Variants in ZBBX observed in about 807,000 individuals in gnomAD.
The protein encoded by ZBBX is zinc finger B-box domain-containing protein 1.
ZBBX carries 101 observed loss-of-function variants against 108.5 expected under a neutral mutation model. The observed-to-expected ratio is 0.93, with a 90% CI of 0.79 to 1.10. ZBBX has a LOEUF of 1.10. ZBBX is among the 50% of genes least tolerant of loss of function. The pLI is 0.00. For synonymous variants in ZBBX, 356 were observed against 323.4 expected (o/e 1.10, Z -1.08); for missense variants, 1,009 against 941.4 (o/e 1.07, Z -0.94).
intron 20 of ZBBX, among the ~76,000 whole-genome samples, chr3:167,245,355 T>C (rs1721393863): frequency 6.6e-6 from 1 of 151,482 alleles, no homozygotes. Flanking sequence ...AAAGCCCTAT[T>C]TCTAACCTAT....
At chr3:167,351,957 C>T (rs930970136) in intron 8 of ZBBX, among the ~76,000 whole-genome samples, 8 of 152,130 alleles carry the variant, frequency 5.3e-5, no homozygotes, top group East Asian at 1.9e-4. Flanking sequence ...CACAACATAG[C>T]CATCGCTGAC....
chr3:167,268,691 T>C (rs1726002287), intron 20 of ZBBX, among the ~76,000 whole-genome samples: 1 of 152,086 alleles, frequency 6.6e-6, no homozygotes, highest in Non-Finnish European at 1.5e-5. Flanking sequence ...CACTAAGAGT[T>C]GGCCAGATAT....
intron 20 of ZBBX, among the ~76,000 whole-genome samples, chr3:167,243,403 CCTTT>C (rs1721016397): frequency 6.6e-6 from 1 of 151,764 alleles, no homozygotes; most frequent in Admixed American, 6.6e-5. Flanking sequence ...GCTATTCTTC[CCTTT>C]TTTTTTTTTA....
chr3:167,347,774 C>A (rs1741738539), intron 9 of ZBBX, among the ~76,000 whole-genome samples: 1 of 151,964 alleles, frequency 6.6e-6, no homozygotes, highest in African/African-American at 2.4e-5. Flanking sequence ...GTAGACAATA[C>A]ACTTCCTAGG....
intron 18 of ZBBX, among the ~76,000 whole-genome samples, chr3:167,295,333 A>G (rs111300557): frequency 0.013 from 1,907 of 152,254 alleles, 42 homozygotes; most frequent in African/African-American, 0.044. Context: ...AGTGTGGTAC[A>G]TATACACCAT....
chr3:167,306,910 T>A (rs146697011), intron 16 of ZBBX, among the ~76,000 whole-genome samples: 1,907 of 152,284 alleles, frequency 0.013, 17 homozygotes, highest in Non-Finnish European at 0.017. Context: ...TCCTGTGATG[T>A]AAATGCTTTA....
At chr3:167,284,622 A>C (rs1372730875) in intron 19 of ZBBX, among the ~76,000 whole-genome samples, 1 of 152,194 alleles carries the variant, frequency 6.6e-6, no homozygotes, top group African/African-American at 2.4e-5. Context: ...CACTAATAAG[A>C]ACATTTGATT....
chr3:167,404,610 G>C (rs1185851279), intron 1 of ZBBX, among the ~76,000 whole-genome samples: 1 of 152,164 alleles, frequency 6.6e-6, no homozygotes, highest in Non-Finnish European at 1.5e-5. Flanking sequence ...ACAAGGAAAA[G>C]AAGTTGGTCA....
intron 9 of ZBBX, among the ~76,000 whole-genome samples, chr3:167,346,160 C>T (rs1157335641): frequency 6.6e-6 from 1 of 151,748 alleles, no homozygotes; most frequent in East Asian, 1.9e-4. Context: ...TTTGTTTCAA[C>T]CCTTAGTGTT....
chr3:167,401,645 A>T (rs1748427718), intron 1 of ZBBX, among the ~76,000 whole-genome samples: 1 of 152,110 alleles, frequency 6.6e-6, no homozygotes, highest in Non-Finnish European at 1.5e-5. Context: ...AGCAGTGAGG[A>T]CAACCAGAGG....
chr3:167,333,429 G>A (rs939280736), intron 10 of ZBBX, among the ~76,000 whole-genome samples: 1 of 152,066 alleles, frequency 6.6e-6, no homozygotes, highest in Non-Finnish European at 1.5e-5. Flanking sequence ...ATATAACTGT[G>A]CAATTGCCTG....
At position 167,305,825 on chromosome 3, in the gene ZBBX, T is replaced by C. The variant is rs1733539484; in HGVS notation, c.1543A>G (p.Ser515Gly). ...NLKEKNIGLE[S>G]NQKSDDSCVS... ...CAGGAATCATCAGACTTTTGATTAC[T>C]TTCTAAACCTATATTTTTCTCCTTT... The change falls in exon 17 of 22, where the codon AGT (serine) becomes GGT (glycine). Residue 515 changes from serine (S) to glycine (G), a missense_variant. Transcript: ENST00000675490. 5.6e-6 allele frequency: 9 copies of C among 1,612,258 alleles called. No homozygotes were observed. The East Asian group carries it at 1.8e-4, about 32-fold the overall frequency.
At chr3:167,192,907 T>C in the ZBBX span, among the ~76,000 whole-genome samples, 3 of 152,346 alleles carry the variant, frequency 2.0e-5, no homozygotes, top group East Asian at 5.8e-4. Flanking sequence ...GAGTTTACTT[T>C]AAACTGCTAT....
the ZBBX span, among the ~76,000 whole-genome samples, chr3:167,193,831 G>A: frequency 6.6e-6 from 1 of 152,094 alleles, no homozygotes; most frequent in South Asian, 2.1e-4. Context: ...GCAGCAACAT[G>A]GGTGAAACTG....
the ZBBX span, among the ~76,000 whole-genome samples, chr3:167,203,953 C>T: frequency 6.6e-6 from 1 of 152,222 alleles, no homozygotes; most frequent in African/African-American, 2.4e-5. Flanking sequence ...TAATCTCTAG[C>T]ATAATGCTGT....
intron 20 of ZBBX, among the ~76,000 whole-genome samples, chr3:167,250,532 C>CTTTTTTTT (rs11438021): frequency 6.9e-6 from 1 of 145,514 alleles, no homozygotes; most frequent in Non-Finnish European, 1.5e-5. Context: ...CCTTATAAAA[C>CTTTTTTTT]TTTTTTTTTT....
downstream of ZBBX, among the ~76,000 whole-genome samples, chr3:167,238,061 A>T (rs1241797057): frequency 6.6e-6 from 1 of 152,052 alleles, no homozygotes; most frequent in Non-Finnish European, 1.5e-5. Context: ...GAAAAGGAAG[A>T]TGTCTTAGAG....
At chr3:167,231,429 T>A in the ZBBX span, among the ~76,000 whole-genome samples, 8 of 151,732 alleles carry the variant, frequency 5.3e-5, no homozygotes, top group Non-Finnish European at 7.4e-5. Flanking sequence ...CCACTTTAAA[T>A]AATGCTGAGA....
chr3:167,365,799 T>G (rs545428872), intron 6 of ZBBX, 87 bp downstream of exon 6: 69 of 804,928 alleles, frequency 8.6e-5, no homozygotes, highest in Admixed American at 6.5e-4. Flanking sequence ...AAGAGTATAT[T>G]CCTGAGTATA....
Sources: allele counts gnomAD v4.1 joint callset (sites outside exome capture counted in the v4.1 genomes callset), GRCh38; gene constraint gnomAD v4.1.1; transcripts MANE v1.5; gene names NCBI Gene and HGNC (gene_info 2026-07-23, HGNC 2026-07-21).